The following LMO3 variants were observed in gnomAD, a reference collection of about 807,000 sequenced individuals.
LMO3 encodes LIM domain only 3, also known as LIM domain only protein 3.
In LMO3, 2 loss-of-function variants were observed where a neutral mutation model predicts 15.8. The observed-to-expected ratio is 0.13, with a 90% CI of 0.05 to 0.40. The LOEUF (loss-of-function observed/expected upper bound fraction) is 0.40, where lower values mean the gene tolerates loss of function less well. Ranked by LOEUF, LMO3 falls within the 10% of genes least tolerant of loss-of-function variation. The pLI, the probability that LMO3 is intolerant of heterozygous loss-of-function variation, is 0.99. For synonymous variants in LMO3, 62 were observed against 63.8 expected (o/e 0.97, Z 0.13); for missense variants, 86 against 182.2 (o/e 0.47, Z 3.04).
At position 16,589,311 on chromosome 12, in the gene LMO3, C is replaced by T. The variant is rs997230680; in HGVS notation, c.206+11344G>A. On this transcript the variant is annotated intron_variant, in intron 2 of 3. Transcript: ENST00000537304. This position sits in a 1 kb window ranked among gnomAD's most constrained non-coding sequence, Gnocchi z 4.2. ...ATCATTGATGGAGAAGGGGCAATAC[C>T]TAATGTAGTAGAATAATGAGAAACA... Among the ~76,000 whole-genome samples the T allele has an allele frequency of 6.6e-6, 1 of 151,900 alleles. No individual in the cohort carries two copies. Among genetic ancestry groups the T allele is most frequent in the Admixed American group, 6.6e-5 (1 of 15,240 alleles).
chr12:16,554,794 C>T (rs1942127197), intron 3 of LMO3, among the ~76,000 whole-genome samples: 1 of 152,174 alleles, frequency 6.6e-6, no homozygotes, highest in Non-Finnish European at 1.5e-5. Context: ...GTAGCTCTGA[C>T]TACAGGCGCC....
intron 2 of LMO3, chr12:16,573,756 G>C (rs751728552): frequency 2.0e-5 from 3 of 152,136 alleles, no homozygotes; most frequent in African/African-American, 4.8e-5. Context: ...AAACAAGGCC[G>C]TTACACAAGG....
At chr12:16,574,407 G>A (rs930639407) in intron 2 of LMO3, among the ~76,000 whole-genome samples, 1 of 151,982 alleles carries the variant, frequency 6.6e-6, no homozygotes, top group African/African-American at 2.4e-5. Context: ...CCCCAGTCAC[G>A]GATTTGCTGC....
intron 2 of LMO3, chr12:16,573,552 G>C (rs1204207484): frequency 6.6e-6 from 1 of 152,214 alleles, no homozygotes; most frequent in Non-Finnish European, 1.5e-5. Context: ...GATAAGGGGG[G>C]CAGTTAAAAG....
intron 2 of LMO3, among the ~76,000 whole-genome samples, chr12:16,569,285 C>T (rs1378141785): frequency 2.0e-5 from 3 of 152,160 alleles, no homozygotes; most frequent in Non-Finnish European, 4.4e-5. Flanking sequence ...TTTTCCTTCT[C>T]ACTATACTTC....
chr12:16,592,411 C>T (rs1943522041), intron 2 of LMO3, among the ~76,000 whole-genome samples: 1 of 151,926 alleles, frequency 6.6e-6, no homozygotes, highest in Non-Finnish European at 1.5e-5. Flanking sequence ...TTTGTATCTC[C>T]CAAAGTGCAA....
In LMO3 at chr12:16,550,172, T is replaced by G. The variant is rs1454961989; in HGVS notation, c.*1050A>C. 6.6e-6 allele frequency: 1 copy of G among 152,126 alleles called. No homozygotes were observed. The allele number at this position is 152,126 out of a possible 1,614,324, so 9.4% of individuals were successfully genotyped here. A position where few individuals can be genotyped will look rare whatever the true frequency, so the allele number is the denominator to read the frequency against. On this transcript the variant is annotated 3_prime_UTR_variant, in exon 4 of 4. Coordinates refer to ENST00000537304, the MANE Select transcript of LMO3 (RefSeq NM_018640.5). ...ATACCATCATAGCTTCAATGTGCAT[T>G]ATAGTGATTTCAGTAGATTCACACT...
intron 2 of LMO3, among the ~76,000 whole-genome samples, chr12:16,572,339 C>CTTTTTT (rs59773866): frequency 1.0e-3 from 92 of 89,524 alleles, no homozygotes; most frequent in East Asian, 1.4e-3. Context: ...GGTCCAAACT[C>CTTTTTT]TTTTTTTTTT....
upstream of LMO3, chr12:16,607,179 C>T (rs914707619): frequency 1.4e-5 from 2 of 141,118 alleles, no homozygotes; most frequent in Admixed American, 1.4e-4. Flanking sequence ...CCCTTCCTCC[C>T]TTCCTCTAAT....
chr12:16,608,142 G>C (rs1193495498), upstream of LMO3: 3 of 151,688 alleles, frequency 2.0e-5, no homozygotes, highest in African/African-American at 4.8e-5. The surrounding 1 kb of genome is among the most constrained non-coding windows in gnomAD (Gnocchi z 4.1). Context: ...GTGTGAGTGT[G>C]TGTGTGTGCA....
chr12:16,570,743 T>C (rs1942787178), intron 2 of LMO3, among the ~76,000 whole-genome samples: 1 of 152,202 alleles, frequency 6.6e-6, no homozygotes, highest in Non-Finnish European at 1.5e-5. Context: ...ATATCTTTTA[T>C]ATCCAGAGAT....
In LMO3 at chr12:16,585,804, A is replaced by G. The variant is rs949503679; in HGVS notation, c.206+14851T>C. Among the ~76,000 whole-genome samples, 1 of 152,242 alleles carries G rather than the reference A, an allele frequency of 6.6e-6. No homozygotes were observed. Among genetic ancestry groups the G allele is most frequent in the African/African-American group, 2.4e-5 (1 of 41,470 alleles). ...TACTTCTAAACAATTGTTAGAAAGT[A>G]AATTTGATCTGGGCTTCCCAGGAAA... On this transcript the variant is annotated intron_variant, in intron 2 of 3. Coordinates refer to ENST00000537304, the MANE Select transcript of LMO3 (RefSeq NM_018640.5). The surrounding 1 kb of genome is among the most constrained non-coding windows in gnomAD (Gnocchi z 4.7).
In LMO3 at chr12:16,599,220, G is replaced by A. The variant is rs889568015; in HGVS notation, c.206+1435C>T. The A allele has an allele frequency of 1.3e-5, 2 of 152,432 alleles. No homozygotes were observed. Among genetic ancestry groups the A allele is most frequent in the East Asian group, 1.9e-4 (1 of 5,212 alleles). 9.4% of individuals were successfully genotyped at this position (152,432 alleles called of 1,614,324 possible). On this transcript the variant is annotated intron_variant, in intron 2 of 3. Coordinates refer to ENST00000537304, the MANE Select transcript of LMO3 (RefSeq NM_018640.5). The surrounding 1 kb of genome is among the most constrained non-coding windows in gnomAD (Gnocchi z 4.1). ...TTTTGATTCGTTGTGCCAACACAAT[G>A]AGGGAAATCCTGGCTGGAGAGAGTG... is the stretch of plus-strand genomic sequence containing the variant.
chr12:16,571,401 C>A (rs554969236), intron 2 of LMO3, among the ~76,000 whole-genome samples: 1 of 152,110 alleles, frequency 6.6e-6, no homozygotes, highest in African/African-American at 2.4e-5. Flanking sequence ...CCATTTATCT[C>A]ATTAGTATAA....
chr12:16,606,324 T>A (rs1302064625), upstream of LMO3: 1 of 153,454 alleles, frequency 6.5e-6, no homozygotes, highest in Non-Finnish European at 1.4e-5. Flanking sequence ...TCCGTCCTGG[T>A]TCAAGACAAC....
In LMO3 at chr12:16,559,351, A is replaced by G. The variant is rs1942305605; in HGVS notation, c.332+1062T>C. Among the ~76,000 whole-genome samples, 1 of 152,198 alleles carries G rather than the reference A, an allele frequency of 6.6e-6. No individual in the cohort carries two copies. On this transcript the variant is annotated intron_variant, in intron 3 of 3. Transcript: ENST00000537304. The surrounding 1 kb of genome is among the most constrained non-coding windows in gnomAD (Gnocchi z 4.1). ...TATAACTTTCAATAAGAAAAAATGG[A>G]ATTAAGTGATAATACTTTTCAGCTG...
At position 16,604,017 on chromosome 12, in the gene LMO3, A is replaced by G. The variant is rs977501463; in HGVS notation, c.-9+2049T>C. Among the ~76,000 whole-genome samples, 9 of 152,240 alleles carry G rather than the reference A, an allele frequency of 5.9e-5. No homozygotes were observed. Among genetic ancestry groups the G allele is most frequent in the Non-Finnish European group, 1.2e-4 (8 of 68,050 alleles). On this transcript the variant is annotated intron_variant, in intron 1 of 3. Coordinates refer to ENST00000537304, the MANE Select transcript of LMO3 (RefSeq NM_018640.5). This position sits in a 1 kb window ranked among gnomAD's most constrained non-coding sequence, Gnocchi z 5.3. ...GGGGTTGGAAGAGATGAGGTGCTTC[A>G]GAAAGATGCTAAAATGGGAATGCAG... is the stretch of plus-strand genomic sequence containing the variant.
chr12:16,604,854 T>A lies in LMO3; in HGVS notation c.-9+1212A>T. On this transcript the variant is annotated intron_variant, in intron 1 of 3. Coordinates refer to ENST00000537304, the MANE Select transcript of LMO3 (RefSeq NM_018640.5). This position sits in a 1 kb window ranked among gnomAD's most constrained non-coding sequence, Gnocchi z 5.3. ...CCAGCAAAGTGCATCTATGATAGAC[T>A]GTAACCTTACCAAAACTTTTCTCCT... 2 of 1,598,448 alleles carry A rather than the reference T, an allele frequency of 1.3e-6. No individual in the cohort carries two copies. The highest frequency in any genetic ancestry group is 1.7e-6 in the Non-Finnish European group (2 of 1,179,786).
At position 16,600,816 on chromosome 12, in the gene LMO3, G is replaced by A. The variant is rs777297728; in HGVS notation, c.45C>T (p.Gly15=). The A allele has an allele frequency of 6.2e-7, 1 of 1,614,112 alleles. No individual in the cohort carries two copies. Residue 15 remains glycine, a synonymous_variant, in exon 2 of 4, where the codon GGC becomes GGT. Transcript: ENST00000537304. ...QPDTKPKGCA[G]CNRKIKDRYL... ...ACCGGTCCTTGATCTTTCGGTTGCA[G>A]CCAGCACAACCTTTCGGCTTGGTGT... is the stretch of plus-strand genomic sequence containing the variant.
Sources: allele counts gnomAD v4.1 joint callset (sites outside exome capture counted in the v4.1 genomes callset), GRCh38; gene constraint gnomAD v4.1.1; non-coding constraint Gnocchi (gnomAD v3.1); transcripts MANE v1.5; gene names NCBI Gene and HGNC (gene_info 2026-07-23, HGNC 2026-07-21).